The following TROAP variants were observed in gnomAD, a reference collection of about 807,000 sequenced individuals.
TROAP encodes trophinin associated protein, also known as tastin.
Under a neutral mutation model 83.4 loss-of-function variants are expected in TROAP, and 62 were observed. That is an observed-to-expected ratio of 0.74 (90% CI 0.61 to 0.92). The LOEUF (loss-of-function observed/expected upper bound fraction) is 0.92. TROAP is among the 40% of genes least tolerant of loss of function. The probability of loss-of-function intolerance (pLI) is 0.00; values close to 1 mark genes in which losing one functional copy is unlikely to be tolerated. For missense variants in TROAP, 876 were observed against 985.1 expected (o/e 0.89, Z 1.48); for synonymous variants, 352 against 386.4 (o/e 0.91, Z 1.04).
rs139325898 is a variant in TROAP at position 49,324,025 on chromosome 12, C to A, written c.325C>A (p.Pro109Thr). The change falls in exon 3 of 15, where the codon CCT becomes ACT. Residue 109 changes from proline to threonine, a missense_variant. Coordinates refer to ENST00000257909, the MANE Select transcript of TROAP (RefSeq NM_005480.4). ...PRGQNVGPGP[P>T]AQTEAPGTIE... ...GGGTCAAAATGTGGGGCCTGGGCCC[C>A]CTGCCCAGACAGGTACCTGTTGGAG... 1 of 1,613,290 alleles carries A rather than the reference C, an allele frequency of 6.2e-7. No individual in the cohort carries two copies. The highest frequency in any genetic ancestry group is 1.3e-5 in the African/African-American group (1 of 74,894).
chr12:49,331,443 C>T (rs766987591), intron 14 of TROAP, 36 bp downstream of exon 14: 4 of 1,608,204 alleles, frequency 2.5e-6, no homozygotes, highest in African/African-American at 1.3e-5. Context: ...TGTGGCTGCA[C>T]AGTGAGCCTG....
In TROAP at chr12:49,330,788, C is replaced by A. The variant is rs559202197; in HGVS notation, c.1943C>A (p.Thr648Asn). ...RVELGASEPC[T>N]LEHRSLESSL... ...GAGCTGGGGGCATCAGAGCCCTGCA[C>A]CCTGGAACATAGAAGTCTAGAGTCC... The change falls in exon 13 of 15, where the codon ACC becomes AAC. Residue 648 changes from threonine (T) to asparagine (N), a missense_variant. By Grantham distance (65) the Thr-to-Asn change is moderately conservative (BLOSUM62 0). Transcript: ENST00000257909. 1.6e-5 allele frequency: 26 copies of A among 1,614,046 alleles called. 1 individual carries two copies. In the South Asian group the frequency reaches 2.3e-4, roughly 14 times the overall value.
intron 5 of TROAP, 23 bp from the exon 6 acceptor site, chr12:49,326,053 C>T: frequency 6.2e-7 from 1 of 1,612,826 alleles, no homozygotes; most frequent in East Asian, 2.2e-5. Context: ...ATTCCGTTTT[C>T]ATCTCTTGCT....
rs752862110 is a variant in TROAP, at chr12:49,325,535, T to A, written c.372T>A (p.Pro124=). The A allele has an allele frequency of 5.0e-6, 8 of 1,614,022 alleles. No homozygotes were observed. Among genetic ancestry groups the A allele is most frequent in the Non-Finnish European group, 6.8e-6 (8 of 1,180,008 alleles). ...APGTIEFVAD[P]AALATILSGE... is the part of the protein sequence containing the mutation. ...GGACCATAGAGTTTGTGGCTGACCC[T>A]GCAGCCCTGGCCACCATCCTGTCAG... Residue 124 remains proline, a synonymous_variant, in exon 4 of 15, where the codon CCT becomes CCA. Transcript: ENST00000257909.
Position 49,329,521 on chromosome 12 carries a change from G to A in TROAP, c.1164+67G>A, listed in dbSNP as rs928357177. On this transcript the variant is annotated intron_variant, in intron 11 of 14. Transcript: ENST00000257909. The surrounding 1 kb of genome is among the most constrained non-coding windows in gnomAD (Gnocchi z 4.5). ...GTGCTGCCAGCCTGGAGGCCCAGGA[G>A]TTTGAGGCACACGTGCTTTCTGGGC... The A allele has an allele frequency of 3.9e-6, 6 of 1,529,108 alleles. No homozygotes were observed. The highest frequency in any genetic ancestry group is 2.8e-5 in the African/African-American group (2 of 72,270). 94.7% of individuals were successfully genotyped at this position (1,529,108 alleles called of 1,614,324 possible).
chr12:49,330,086 T>A (rs935903057), intron 12 of TROAP, 59 bp from the exon 13 acceptor site: 31 of 1,605,388 alleles, frequency 1.9e-5, no homozygotes, highest in East Asian at 1.3e-4. Context: ...TAGGACAGTG[T>A]GGGTAGACTA....
intron 3 of TROAP, 99 bp downstream of exon 3, chr12:49,324,136 C>G (rs1259430148): frequency 1.2e-6 from 2 of 1,614,114 alleles, no homozygotes; most frequent in East Asian, 4.5e-5. Context: ...CTCCTGCTGT[C>G]TCCTACTTAC....
At position 49,331,380 on chromosome 12, in the gene TROAP, T is replaced by A. The variant is rs1318499122; in HGVS notation, c.2265T>A (p.Ala755=). 1.2e-6 allele frequency: 2 copies of A among 1,613,810 alleles called. No individual in the cohort carries two copies. The highest frequency in any genetic ancestry group is 1.7e-6 in the Non-Finnish European group (2 of 1,179,734). ...CCCGGGTCTGCACCAACCCTGTGGC[T>A]ACATTACTCGAATGGCAGGATGCCC... ...GPTRVCTNPV[A]TLLEWQDALC... Residue 755 remains alanine (A), a synonymous_variant, in exon 14 of 15, where the codon GCT becomes GCA. Coordinates refer to ENST00000257909, the MANE Select transcript of TROAP (RefSeq NM_005480.4).
intron 3 of TROAP, chr12:49,324,429 T>C: frequency 2.1e-6 from 1 of 467,488 alleles, no homozygotes. Flanking sequence ...TTGCTCTGTG[T>C]TCTCCTAATA....
intron 12 of TROAP, 53 bp from the exon 13 acceptor site, chr12:49,330,092 G>A (rs543023728): frequency 1.2e-6 from 2 of 1,606,042 alleles, no homozygotes; most frequent in South Asian, 2.2e-5. Context: ...AGTGTGGGTA[G>A]ACTACTGAAC....
rs149388879 is a variant in TROAP, at chr12:49,326,928, C to T, written c.769+208C>T. Among the ~76,000 whole-genome samples, 6 of 152,316 alleles carry T rather than the reference C, an allele frequency of 3.9e-5. No homozygotes were observed. In the East Asian group the frequency reaches 9.6e-4, roughly 24 times the overall value. The stretch of plus-strand genomic sequence containing the variant: ...TTGTCTAAGGAGATGGTCTCCATTT[C>T]GGCCCTCTCTCTGCCACTTCCTGCA... On this transcript the variant is annotated intron_variant, in intron 7 of 14. Transcript: ENST00000257909.
At position 49,329,984 on chromosome 12, in the gene TROAP, A is replaced by C; in HGVS notation, c.1292A>C (p.Lys431Thr). 1.9e-6 allele frequency: 3 copies of C among 1,614,040 alleles called. No individual in the cohort carries two copies. Among genetic ancestry groups the C allele is most frequent in the Non-Finnish European group, 2.5e-6 (3 of 1,179,950 alleles). The change falls in exon 12 of 15, where the codon AAG becomes ACG. Residue 431 changes from lysine (K) to threonine (T), a missense_variant. This residue lies in a region of TROAP where 689 missense variants were observed against 722.6 expected (regional missense o/e 0.95). Coordinates refer to ENST00000257909, the MANE Select transcript of TROAP (RefSeq NM_005480.4). This position sits in a 1 kb window ranked among gnomAD's most constrained non-coding sequence, Gnocchi z 4.5. ...SNRTPSLQEV[K>T]IQRIGILQQL... ...AGAACCCCCAGCCTCCAGGAGGTGA[A>C]GATTCAAGTGAGTCTGTGTGGCCAA...
chr12:49,326,720 GGTAA>G lies in TROAP; in HGVS notation c.769+3_769+6del. The G allele has an allele frequency of 6.4e-7, 1 of 1,561,518 alleles. No individual in the cohort carries two copies. Among genetic ancestry groups the G allele is most frequent in the Non-Finnish European group, 8.7e-7 (1 of 1,151,260 alleles). ...GCTCCTGGAGACCCCAGTCCAGCCT[GGTAA>G]GTGTTTCTGGCGTGGGGAGAGAACA... is the stretch of plus-strand genomic sequence containing the variant. On this transcript the variant is annotated splice_donor_variant and splice_donor_region_variant and intron_variant, in intron 7 of 14. Coordinates refer to ENST00000257909, the MANE Select transcript of TROAP (RefSeq NM_005480.4). LOFTEE classifies it high-confidence loss of function.
In TROAP at chr12:49,331,416, C is replaced by T; in HGVS notation, c.2292+9C>T. 6.2e-7 allele frequency: 1 copy of T among 1,611,476 alleles called. No individual in the cohort carries two copies. Among genetic ancestry groups the T allele is most frequent in the Non-Finnish European group, 8.5e-7 (1 of 1,178,160 alleles). ...AATGGCAGGATGCCCTGGTGAGACT[C>T]CAACCCACAGCCCAGCTGTGGCTGC... is the stretch of plus-strand genomic sequence containing the variant. On this transcript the variant is annotated intron_variant, in intron 14 of 14. Coordinates refer to ENST00000257909, the MANE Select transcript of TROAP (RefSeq NM_005480.4).
chr12:49,323,681 C>T lies in TROAP; in HGVS notation c.73C>T (p.Arg25Cys). Residue 25 changes from arginine (R) to cysteine (C), a missense_variant, in exon 2 of 15, where the codon CGC (arginine) becomes TGC (cysteine). Around this residue, in one of 3 missense-constraint regions of TROAP, gnomAD observed 689 missense variants for 722.6 expected, o/e 0.95. Coordinates refer to ENST00000257909, the MANE Select transcript of TROAP (RefSeq NM_005480.4). The stretch of plus-strand genomic sequence containing the variant: ...TCCTACCCCTAGCAAGATTCCGGTA[C>T]GCTCTCAGAAACGCACGCCTTTCCC... ...VSPTPSKIPV[R>C]SQKRTPFPTV... 2 of 1,614,152 alleles carry T rather than the reference C, an allele frequency of 1.2e-6. No individual in the cohort carries two copies. Among genetic ancestry groups the T allele is most frequent in the Non-Finnish European group, 1.7e-6 (2 of 1,180,022 alleles).
rs1943461709 is a variant in TROAP, at chr12:49,324,375, T to C, written c.337+338T>C. On this transcript the variant is annotated intron_variant, in intron 3 of 14. Coordinates refer to ENST00000257909, the MANE Select transcript of TROAP (RefSeq NM_005480.4). Reference sequence around the variant, plus strand: ...TAAATAAATAAATAAATAATAAATATCACTTCTTCTGAAGCCTTTTCCAGT... The same window carrying C: ...TAAATAAATAAATAAATAATAAATACCACTTCTTCTGAAGCCTTTTCCAGT... 9.7e-6 allele frequency: 5 copies of C among 518,074 alleles called. No homozygotes were observed. The South Asian group carries it at 1.6e-4, about 17-fold the overall frequency. The allele number at this position is 518,074 out of a possible 1,614,324, so 32.1% of individuals were successfully genotyped here.
At chr12:49,327,784 C>G (rs1011805605) in intron 8 of TROAP, among the ~76,000 whole-genome samples, 3 of 151,846 alleles carry the variant, frequency 2.0e-5, no homozygotes, top group African/African-American at 7.3e-5. Flanking sequence ...TAAGTTCTCT[C>G]TAAAATAATA....
rs556707830 is a variant in TROAP, at chr12:49,329,196, A to T, written c.1056A>T (p.Gln352His). 1 of 1,613,956 alleles carries T rather than the reference A, an allele frequency of 6.2e-7. No homozygotes were observed. The highest frequency in any genetic ancestry group is 1.1e-5 in the South Asian group (1 of 91,056). ...CAGTGTTGCGGCGTCTCACCGTTCA[A>T]CCTAAAACCCGGTTCACACCCATGC... is the stretch of plus-strand genomic sequence containing the variant. ...SYSVLRRLTV[Q>H]PKTRFTPMPS... Residue 352 changes from glutamine (Q) to histidine (H), a missense_variant, in exon 10 of 15, where the codon CAA (glutamine) becomes CAT (histidine). Around this residue, in one of 3 missense-constraint regions of TROAP, gnomAD observed 689 missense variants for 722.6 expected, o/e 0.95. Transcript: ENST00000257909. The surrounding 1 kb of genome is among the most constrained non-coding windows in gnomAD (Gnocchi z 4.5).
rs752208420 is a variant in TROAP at position 49,325,790 on chromosome 12, A to G, written c.539A>G (p.His180Arg). The part of the protein sequence containing the change: ...SAYLAPRTPT[H>R]RLDPARASCF... ...TATTTGGCCCCCAGAACCCCCACCC[A>G]CCGACTGGACCCTGCCAGGGCTTCC... is the stretch of plus-strand genomic sequence containing the variant. Residue 180 changes from histidine to arginine, a missense_variant, in exon 5 of 15, where the codon CAC becomes CGC. Physicochemically the swap from His to Arg is conservative, Grantham distance 29 (BLOSUM62 0). Around this residue, in one of 3 missense-constraint regions of TROAP, gnomAD observed 689 missense variants for 722.6 expected, o/e 0.95. Transcript: ENST00000257909. 6.2e-6 allele frequency: 10 copies of G among 1,613,970 alleles called. No individual in the cohort carries two copies. Among genetic ancestry groups the G allele is most frequent in the Non-Finnish European group, 8.5e-6 (10 of 1,180,004 alleles).
Sources: gnomAD v4.1 joint callset for allele counts (sites outside exome capture counted in the v4.1 genomes callset) on GRCh38, gnomAD v4.1.1 for gene constraint, gnomAD v4.1.1 regional missense constraint, Gnocchi (gnomAD v3.1) non-coding constraint, MANE v1.5 for transcripts, NCBI Gene and HGNC (gene_info 2026-07-23, HGNC 2026-07-21) for gene names.